The following TRIM16 variants were observed in gnomAD, a reference collection of about 807,000 sequenced individuals.
The protein encoded by TRIM16 is tripartite motif containing 16.
Under a neutral mutation model 50.4 loss-of-function variants are expected in TRIM16, and 33 were observed. The observed-to-expected ratio is 0.65, with a 90% CI of 0.50 to 0.88. The LOEUF is 0.88. Ranked by LOEUF, TRIM16 falls within the 40% of genes least tolerant of loss-of-function variation. TRIM16 has a pLI of 0.00. For synonymous variants in TRIM16, 229 were observed against 270.7 expected (o/e 0.85, Z 1.51); for missense variants, 581 against 686.8 (o/e 0.85, Z 1.72).
At chr17:15,655,966 G>C (rs1164565062) in intron 6 of TRIM16, among the ~76,000 whole-genome samples, 3 of 152,210 alleles carry the variant, frequency 2.0e-5, no homozygotes, top group Non-Finnish European at 4.4e-5. Context: ...TTGGCCCTCT[G>C]AGGAATTATG....
chr17:15,679,956 A>C (rs1415008916), intron 4 of TRIM16, among the ~76,000 whole-genome samples: 5 of 151,914 alleles, frequency 3.3e-5, no homozygotes, highest in African/African-American at 4.8e-5. Context: ...AAAAAAGAAA[A>C]AAAGAAATAA....
rs1017953037 is a variant in TRIM16, at chr17:15,683,089, C to G, written c.-830G>C. 2.6e-6 allele frequency: 4 copies of G among 1,550,468 alleles called. No homozygotes were observed. In the East Asian group the frequency reaches 9.8e-5, roughly 38 times the overall value. On this transcript the variant is annotated 5_prime_UTR_variant, in exon 2 of 12. Coordinates refer to ENST00000649191, the MANE Select transcript of TRIM16 (RefSeq NM_001348119.1). ...CTCCATAATCATAGCCTTTGCTTCA[C>G]TATTTGGGTGTAGCAACCTTTCCGT...
chr17:15,660,424 T>C (rs983121491), intron 6 of TRIM16, among the ~76,000 whole-genome samples: 4 of 151,960 alleles, frequency 2.6e-5, no homozygotes, highest in African/African-American at 9.7e-5. Flanking sequence ...GCTCAAATGG[T>C]TTTGATTTCC....
intron 6 of TRIM16, among the ~76,000 whole-genome samples, chr17:15,656,572 T>C (rs1421584780): frequency 2.6e-5 from 4 of 151,808 alleles, no homozygotes. Context: ...CTGCTCCCCT[T>C]ATGTGCCCCA....
rs1190560674 is a variant in TRIM16, at chr17:15,636,272, G to T, written c.616-3C>A. ...GCTTTGACCTCTGACACCGACACCT[G>T]GCAGGGGGTGGGGGTGGAAGGCAGC... On this transcript the variant is annotated splice_region_variant and splice_polypyrimidine_tract_variant and intron_variant, in intron 8 of 11. Coordinates refer to ENST00000649191, the MANE Select transcript of TRIM16 (RefSeq NM_001348119.1). The T allele has an allele frequency of 3.1e-6, 5 of 1,608,218 alleles. No individual in the cohort carries two copies. Among genetic ancestry groups the T allele is most frequent in the Non-Finnish European group, 4.2e-6 (5 of 1,178,008 alleles).
At chr17:15,637,790 C>T (rs1986903308) in intron 8 of TRIM16, among the ~76,000 whole-genome samples, 2 of 122,442 alleles carry the variant, frequency 1.6e-5, no homozygotes, top group African/African-American at 3.2e-5. Flanking sequence ...ACAATGGCGG[C>T]TTTGTGGAAT....
At position 15,672,694 on chromosome 17, in the gene TRIM16, C is replaced by T. The variant is rs144946880; in HGVS notation, c.-338+4482G>A. ...GCTGCAGTGAGCTGTGATGGCGTCA[C>T]TGCACTCCAGCCCAGGCAATAGAGC... On this transcript the variant is annotated intron_variant, in intron 6 of 11. Coordinates refer to ENST00000649191, the MANE Select transcript of TRIM16 (RefSeq NM_001348119.1). Among the ~76,000 whole-genome samples the T allele has an allele frequency of 7.2e-3, 1,095 of 152,238 alleles. 14 individuals are homozygous for T. Among genetic ancestry groups the T allele is most frequent in the African/African-American group, 0.025 (1,045 of 41,542 alleles).
At position 15,651,138 on chromosome 17, in the gene TRIM16, T is replaced by G; in HGVS notation, c.472A>C (p.Ser158Arg). The change falls in exon 7 of 12, where the codon AGT becomes CGT. Residue 158 changes from serine to arginine, a missense_variant. Transcript: ENST00000649191. ...CICQDCCQEHSGHTIVSLDAA... is the reference protein window; with the variant it reads ...CICQDCCQEHRGHTIVSLDAA... ...TCCAGGGAGACTATGGTGTGGCCAC[T>G]GTGCTCCTGGCAACAGTCCTGGCAG... 1 of 1,614,128 alleles carries G rather than the reference T, an allele frequency of 6.2e-7. No homozygotes were observed. The highest frequency in any genetic ancestry group is 8.5e-7 in the Non-Finnish European group (1 of 1,180,000).
At chr17:15,682,802 TCA>T in intron 3 of TRIM16, 50 bp downstream of exon 3, 1 of 1,373,006 alleles carries the variant, frequency 7.3e-7, no homozygotes, top group Non-Finnish European at 9.4e-7. Context: ...TTTCAGAGTT[TCA>T]AATTAAAAGG....
chr17:15,673,518 T>G (rs939309701), intron 6 of TRIM16, among the ~76,000 whole-genome samples: 8 of 152,086 alleles, frequency 5.3e-5, no homozygotes, highest in Non-Finnish European at 1.0e-4. Context: ...AGGTTCTGGC[T>G]AGTACACTGG....
rs1989293493 is a variant in TRIM16, at chr17:15,684,289, C to T, written c.-992G>A. On this transcript the variant is annotated 5_prime_UTR_variant, in exon 1 of 12. Transcript: ENST00000649191. The stretch of plus-strand genomic sequence containing the variant: ...CACAGACTCGCCACGCGCGGAGATC[C>T]TCCAGAGAAAGGGGCCGGAAACGGA... 2 of 152,342 alleles carry T rather than the reference C, an allele frequency of 1.3e-5. No individual in the cohort carries two copies. Among genetic ancestry groups the T allele is most frequent in the South Asian group, 4.1e-4 (2 of 4,826 alleles). The allele number at this position is 152,342 out of a possible 1,614,324, so 9.4% of individuals were successfully genotyped here.
At chr17:15,672,459 C>T (rs1458001669) in intron 6 of TRIM16, among the ~76,000 whole-genome samples, 4 of 150,716 alleles carry the variant, frequency 2.7e-5, no homozygotes, top group African/African-American at 9.8e-5. Context: ...AAATGCTGGG[C>T]GTGGCGGCTC....
intron 6 of TRIM16, chr17:15,675,628 T>C (rs1988896499): frequency 5.6e-6 from 1 of 177,036 alleles, no homozygotes; most frequent in Non-Finnish European, 1.4e-5. Flanking sequence ...AGAGGGTTCA[T>C]ACTGGAAAGA....
rs1180376464 is a variant in TRIM16 at position 15,684,240 on chromosome 17, G to C, written c.-943C>G. On this transcript the variant is annotated 5_prime_UTR_variant, in exon 1 of 12. Coordinates refer to ENST00000649191, the MANE Select transcript of TRIM16 (RefSeq NM_001348119.1). ...TCCCCGGTCCAGACACAGAGAGGGTGTCTGCTCTGGGGGACAGGGAGGACA... is the reference window on the plus strand; with the variant it reads ...TCCCCGGTCCAGACACAGAGAGGGTCTCTGCTCTGGGGGACAGGGAGGACA... The C allele has an allele frequency of 6.6e-6, 1 of 152,136 alleles. No individual in the cohort carries two copies. Among genetic ancestry groups the C allele is most frequent in the South Asian group, 2.1e-4 (1 of 4,816 alleles). The allele number at this position is 152,136 out of a possible 1,614,324, so 9.4% of individuals were successfully genotyped here.
intron 6 of TRIM16, among the ~76,000 whole-genome samples, chr17:15,660,785 C>T (rs1988191519): frequency 1.3e-5 from 2 of 150,812 alleles, no homozygotes; most frequent in East Asian, 3.9e-4. Flanking sequence ...GTAGTCCCAG[C>T]TACTTGGGAG....
At chr17:15,634,524 A>G (rs1597603552) in intron 9 of TRIM16, among the ~76,000 whole-genome samples, 1 of 136,158 alleles carries the variant, frequency 7.3e-6, no homozygotes, top group African/African-American at 2.8e-5. Flanking sequence ...CCAGCTACTC[A>G]GGAGGCTGAG....
chr17:15,644,342 C>T (rs1159856725), intron 7 of TRIM16, among the ~76,000 whole-genome samples: 2 of 152,178 alleles, frequency 1.3e-5, no homozygotes, highest in Non-Finnish European at 2.9e-5. Context: ...TGTGCCACCA[C>T]ACCTGGCTAA....
intron 5 of TRIM16, 42 bp from the exon 6 acceptor site, chr17:15,677,322 G>A: frequency 2.0e-6 from 2 of 980,698 alleles, no homozygotes; most frequent in Non-Finnish European, 2.4e-6. Context: ...GTTCAAAAGA[G>A]AAAGGACCAC....
chr17:15,683,367 A>C lies in TRIM16; in HGVS notation c.-898-210T>G. On this transcript the variant is annotated intron_variant, in intron 1 of 11. Transcript: ENST00000649191. ...TATACCACTAGGGCCCTGCAGAGTC[A>C]GACACTGGGAACATAGACAGTTACA... The C allele has an allele frequency of 1.1e-5, 5 of 455,212 alleles. No individual in the cohort carries two copies. In the South Asian group the frequency reaches 1.1e-4, roughly 10 times the overall value. The allele number at this position is 455,212 out of a possible 1,614,324, so 28.2% of individuals were successfully genotyped here.
Sources: allele counts gnomAD v4.1 joint callset (sites outside exome capture counted in the v4.1 genomes callset), GRCh38; gene constraint gnomAD v4.1.1; transcripts MANE v1.5; gene names NCBI Gene and HGNC (gene_info 2026-07-23, HGNC 2026-07-21).